TSHZ2: variants seen among roughly 807,000 people sequenced by gnomAD.
The protein encoded by TSHZ2 is teashirt zinc finger homeobox 2.
TSHZ2 carries 21 observed loss-of-function variants against 74.4 expected under a neutral mutation model. The observed-to-expected ratio is 0.28, with a 90% CI of 0.20 to 0.41. The LOEUF (loss-of-function observed/expected upper bound fraction) is 0.41. Among genes scored for constraint, TSHZ2 ranks in the 10% least tolerant of loss-of-function variants. The pLI is 1.00. For synonymous variants in TSHZ2, 540 were observed against 515.3 expected (o/e 1.05, Z -0.65); for missense variants, 1,244 against 1,293.5 (o/e 0.96, Z 0.59).
intron 1 of TSHZ2, among the ~76,000 whole-genome samples, chr20:52,986,455 C>G (rs112670302): frequency 6.7e-6 from 1 of 149,082 alleles, no homozygotes; most frequent in Non-Finnish European, 1.5e-5. Flanking sequence ...CAGGGCAGGG[C>G]ATGGTGGCTC....
chr20:53,257,298 A>T (rs1990503336), intron 2 of TSHZ2, among the ~76,000 whole-genome samples: 3 of 152,244 alleles, frequency 2.0e-5, no homozygotes, highest in African/African-American at 7.2e-5. Context: ...ATAGACCAGT[A>T]TTAGAGCCCA....
intron 2 of TSHZ2, among the ~76,000 whole-genome samples, chr20:53,345,745 TCCCCTCCC>T (rs1231927589): frequency 1.2e-5 from 1 of 85,736 alleles, no homozygotes; most frequent in Non-Finnish European, 2.2e-5. Flanking sequence ...CTGCCCCTCC[TCCCCTCCC>T]TCTGTAATCC....
At chr20:53,479,463 A>T (rs1986087558) in intron 2 of TSHZ2, among the ~76,000 whole-genome samples, 1 of 152,226 alleles carries the variant, frequency 6.6e-6, no homozygotes, top group South Asian at 2.1e-4. Flanking sequence ...AACGCAGAGC[A>T]ATATGGGTGG....
intron 1 of TSHZ2, among the ~76,000 whole-genome samples, chr20:53,174,401 T>C (rs540634670): frequency 6.6e-6 from 1 of 152,346 alleles, no homozygotes; most frequent in African/African-American, 2.4e-5. Context: ...ACCATAAGTC[T>C]TGCTGTTTGT....
chr20:53,382,875 T>A (rs1181924086), intron 2 of TSHZ2, among the ~76,000 whole-genome samples: 1 of 152,166 alleles, frequency 6.6e-6, no homozygotes, highest in Non-Finnish European at 1.5e-5. Flanking sequence ...TCTATGACCT[T>A]GGCCAAGTCA....
At chr20:53,106,676 G>T (rs1600693107) in intron 1 of TSHZ2, among the ~76,000 whole-genome samples, 1 of 150,318 alleles carries the variant, frequency 6.7e-6, no homozygotes, top group Non-Finnish European at 1.5e-5. Flanking sequence ...GGGATTACAG[G>T]CGTGAGCCAC....
At chr20:53,231,640 G>A (rs905046153) in intron 1 of TSHZ2, among the ~76,000 whole-genome samples, 12 of 152,098 alleles carry the variant, frequency 7.9e-5, no homozygotes, top group African/African-American at 2.2e-4. Context: ...CATTTACTAC[G>A]TGCCTGGAAG....
At chr20:53,025,951 C>T (rs974718566) in intron 1 of TSHZ2, among the ~76,000 whole-genome samples, 4 of 152,112 alleles carry the variant, frequency 2.6e-5, no homozygotes, top group African/African-American at 9.7e-5. Flanking sequence ...CTGAGAAAAG[C>T]GACAGAAGTA....
rs533134977 is a variant in TSHZ2 at position 53,067,569 on chromosome 20, C to T, written c.40+94236C>T. Among the ~76,000 whole-genome samples, 4 of 152,324 alleles carry T rather than the reference C, an allele frequency of 2.6e-5. No individual in the cohort carries two copies. In the East Asian group the frequency reaches 7.7e-4, roughly 29 times the overall value. The stretch of plus-strand genomic sequence containing the variant: ...TACATTTAGCAAATGTCCATGCCAG[C>T]GCCTCACTCCCAGAATGCACAGTTC... On this transcript the variant is annotated intron_variant, in intron 1 of 2. Transcript: ENST00000371497.
intron 1 of TSHZ2, among the ~76,000 whole-genome samples, chr20:53,149,466 G>T (rs1987624525): frequency 6.6e-6 from 1 of 152,154 alleles, no homozygotes; most frequent in Non-Finnish European, 1.5e-5. Flanking sequence ...AGAGAAAGAG[G>T]GGGAGGAAAG....
At chr20:53,382,433 G>A (rs558222842) in intron 2 of TSHZ2, among the ~76,000 whole-genome samples, 3 of 152,288 alleles carry the variant, frequency 2.0e-5, no homozygotes, top group South Asian at 4.1e-4. Context: ...AACAAGGAAC[G>A]GTCCCAGTGG....
At chr20:53,299,995 G>A (rs1383453630) in intron 2 of TSHZ2, among the ~76,000 whole-genome samples, 1 of 152,196 alleles carries the variant, frequency 6.6e-6, no homozygotes, top group Admixed American at 6.5e-5. Flanking sequence ...CCCTCGTGCT[G>A]TTCAGCTAAT....
chr20:53,075,149 G>T (rs900552156), intron 1 of TSHZ2, among the ~76,000 whole-genome samples: 4 of 152,306 alleles, frequency 2.6e-5, no homozygotes, highest in African/African-American at 9.6e-5. Flanking sequence ...TCATTGTGAC[G>T]TGCTTGGCCT....
chr20:53,075,656 C>T (rs917639935), intron 1 of TSHZ2, among the ~76,000 whole-genome samples: 3 of 152,054 alleles, frequency 2.0e-5, no homozygotes, highest in African/African-American at 7.2e-5. Flanking sequence ...CAAGGCAGAG[C>T]GTGATAAGAT....
At chr20:53,458,875 G>T (rs1310740097) in intron 2 of TSHZ2, among the ~76,000 whole-genome samples, 2 of 152,186 alleles carry the variant, frequency 1.3e-5, no homozygotes, top group Admixed American at 6.5e-5. Flanking sequence ...GAGCGGTTTT[G>T]AGTGAGATTC....
chr20:53,446,022 C>T (rs1304458853), intron 2 of TSHZ2, among the ~76,000 whole-genome samples: 1 of 152,136 alleles, frequency 6.6e-6, no homozygotes, highest in Non-Finnish European at 1.5e-5. Flanking sequence ...GGTAGATGCA[C>T]CAACAACCCC....
chr20:53,092,612 C>G (rs1985915909), intron 1 of TSHZ2, among the ~76,000 whole-genome samples: 1 of 152,194 alleles, frequency 6.6e-6, no homozygotes, highest in Non-Finnish European at 1.5e-5. Flanking sequence ...AAACATTTCT[C>G]TCCCAGTTGT....
At chr20:53,111,296 T>C (rs935816761) in intron 1 of TSHZ2, among the ~76,000 whole-genome samples, 1 of 152,218 alleles carries the variant, frequency 6.6e-6, no homozygotes, top group East Asian at 1.9e-4. Flanking sequence ...CCAGAAAGCA[T>C]GCCAAGAAGA....
intron 2 of TSHZ2, among the ~76,000 whole-genome samples, chr20:53,436,163 T>C (rs1183303589): frequency 1.3e-5 from 2 of 152,184 alleles, no homozygotes; most frequent in African/African-American, 4.8e-5. Context: ...TGTTGAAGTA[T>C]TTAACACAGT....
Sources: allele counts gnomAD v4.1 joint callset (sites outside exome capture counted in the v4.1 genomes callset), GRCh38; gene constraint gnomAD v4.1.1; transcripts MANE v1.5; gene names NCBI Gene and HGNC (gene_info 2026-07-23, HGNC 2026-07-21).